CDK14: variants seen among roughly 807,000 people sequenced by gnomAD.
The protein encoded by CDK14 is cyclin-dependent kinase 14.
CDK14 carries 34 observed loss-of-function variants against 60.7 expected under a neutral mutation model. The observed-to-expected ratio is 0.56, with a 90% confidence interval of 0.43 to 0.75. CDK14 has a LOEUF of 0.75. CDK14 is among the 30% of genes least tolerant of loss of function. The probability of loss-of-function intolerance (pLI) is 0.00; values close to 1 mark genes in which losing one functional copy is unlikely to be tolerated. For missense variants in CDK14, 482 were observed against 564.1 expected, an observed-to-expected ratio of 0.85 and a Z score of 1.47; for synonymous variants, 197 against 203.7, an observed-to-expected ratio of 0.97 and a Z score of 0.28.
intron 10 of CDK14, among the ~76,000 whole-genome samples, chr7:91,036,941 A>G (rs1225942639): frequency 6.6e-6 from 1 of 152,192 alleles, no homozygotes; most frequent in African/African-American, 2.4e-5. Flanking sequence ...GCTCCCACCC[A>G]CACTGAAGGC....
In CDK14 at chr7:91,179,713, G is replaced by C. The variant is rs554448724; in HGVS notation, c.*29-27452G>C. On this transcript the variant is annotated intron_variant, in intron 14 of 14. Transcript: ENST00000380050. The stretch of plus-strand genomic sequence containing the variant: ...AGCTACTTGGGAGGCCAAGGCAGGA[G>C]AATGGCATGAACCCAGGAGGCAGAG... Among the ~76,000 whole-genome samples, 16 of 152,116 alleles carry C rather than the reference G, an allele frequency of 1.1e-4. No homozygotes were observed. The South Asian group carries it at 2.7e-3, about 26-fold the overall frequency.
At chr7:90,701,967 C>T (rs1413026302) in intron 2 of CDK14, among the ~76,000 whole-genome samples, 1 of 152,140 alleles carries the variant, frequency 6.6e-6, no homozygotes, top group Non-Finnish European at 1.5e-5. Context: ...AATGCTTTCT[C>T]TGCTTTGCTA....
intron 5 of CDK14, among the ~76,000 whole-genome samples, chr7:90,798,240 C>T (rs1450263633): frequency 6.7e-6 from 1 of 148,572 alleles, no homozygotes; most frequent in African/African-American, 2.5e-5. Flanking sequence ...AAATTAAACT[C>T]TGGGTCAGTT....
chr7:90,911,280 GA>G (rs1364873776), intron 7 of CDK14, among the ~76,000 whole-genome samples: 1 of 152,070 alleles, frequency 6.6e-6, no homozygotes, highest in Non-Finnish European at 1.5e-5. Context: ...TAAAATAATG[GA>G]ATGATGTAAT....
chr7:91,174,572 G>A (rs1186319889), intron 14 of CDK14, among the ~76,000 whole-genome samples: 1 of 145,732 alleles, frequency 6.9e-6, no homozygotes, highest in Non-Finnish European at 1.5e-5. Flanking sequence ...AAATTTAGAA[G>A]AATGTATAAC....
chr7:90,770,837 T>A (rs900928485), intron 4 of CDK14, among the ~76,000 whole-genome samples: 2 of 152,206 alleles, frequency 1.3e-5, no homozygotes, highest in Non-Finnish European at 2.9e-5. Flanking sequence ...CTTTTCTGAC[T>A]TCTGACAAGA....
intron 7 of CDK14, among the ~76,000 whole-genome samples, chr7:90,908,668 T>C (rs1395442987): frequency 6.6e-6 from 1 of 152,148 alleles, no homozygotes; most frequent in East Asian, 1.9e-4. Context: ...TAGTAGAGTA[T>C]ACACATATTG....
At chr7:91,114,521 A>T (rs369121437) in intron 13 of CDK14, among the ~76,000 whole-genome samples, 1 of 152,174 alleles carries the variant, frequency 6.6e-6, no homozygotes, top group East Asian at 1.9e-4. Flanking sequence ...TGGCTGCATT[A>T]ATCCCTTTAT....
chr7:90,860,436 A>T (rs1790968352), intron 5 of CDK14, among the ~76,000 whole-genome samples: 1 of 151,854 alleles, frequency 6.6e-6, no homozygotes, highest in African/African-American at 2.4e-5. Context: ...TTGTGGTATT[A>T]TTTATAAACA....
intron 5 of CDK14, among the ~76,000 whole-genome samples, chr7:90,829,022 A>G (rs1584020254): frequency 6.6e-6 from 1 of 152,158 alleles, no homozygotes; most frequent in South Asian, 2.1e-4. Context: ...GAAGCAAGGC[A>G]CATCTTACAT....
chr7:90,748,923 G>A (rs551983830), intron 4 of CDK14, among the ~76,000 whole-genome samples: 5 of 152,204 alleles, frequency 3.3e-5, no homozygotes, highest in South Asian at 4.1e-4. Context: ...AATTAAATAA[G>A]AAGATGTAGA....
chr7:90,753,110 G>T (rs1203716661), intron 4 of CDK14, among the ~76,000 whole-genome samples: 3 of 152,126 alleles, frequency 2.0e-5, no homozygotes, highest in Non-Finnish European at 4.4e-5. Flanking sequence ...GCAAAAAATT[G>T]AGGAAGATGG....
intron 3 of CDK14, among the ~76,000 whole-genome samples, chr7:90,734,777 G>A (rs1288327491): frequency 2.0e-5 from 3 of 152,112 alleles, no homozygotes; most frequent in Non-Finnish European, 4.4e-5. Flanking sequence ...GCTCAGAGGA[G>A]TTTGTTATTA....
At chr7:91,037,796 C>T (rs187546861) in intron 10 of CDK14, among the ~76,000 whole-genome samples, 5 of 152,356 alleles carry the variant, frequency 3.3e-5, no homozygotes, top group East Asian at 1.9e-4. Flanking sequence ...ACTGCCCAGA[C>T]GCTCTTCTCT....
At chr7:90,735,779 G>A (rs942376944) in intron 3 of CDK14, among the ~76,000 whole-genome samples, 1 of 152,216 alleles carries the variant, frequency 6.6e-6, no homozygotes, top group Non-Finnish European at 1.5e-5. Flanking sequence ...GGTGGGACCT[G>A]CCGAGCCAGA....
intron 2 of CDK14, among the ~76,000 whole-genome samples, chr7:90,685,648 A>ATTT (rs1801415559): frequency 9.8e-6 from 1 of 101,656 alleles, no homozygotes; most frequent in Non-Finnish European, 1.9e-5. Context: ...CCAGCCAATT[A>ATTT]ATTTTTTTTT....
Position 90,747,757 on chromosome 7 carries a change from T to C in CDK14, c.446T>C (p.Val149Ala). ...EKLGEGSYAT[V>A]YKGKSKVNGK... ...CTAGGGGAAGGATCTTATGCTACAG[T>C]ATACAAAGGGAAAAGCAAGTAAGTT... The change falls in exon 4 of 15, where the codon GTA (valine) becomes GCA (alanine). Residue 149 changes from valine (V) to alanine (A), a missense_variant. Transcript: ENST00000380050. 1.3e-6 allele frequency: 2 copies of C among 1,577,306 alleles called. No homozygotes were observed. The highest frequency in any genetic ancestry group is 1.7e-6 in the Non-Finnish European group (2 of 1,166,776).
At chr7:90,745,310 C>T (rs1386640790) in intron 3 of CDK14, among the ~76,000 whole-genome samples, 6 of 152,038 alleles carry the variant, frequency 3.9e-5, no homozygotes, top group African/African-American at 7.2e-5. Context: ...CTTGAGGGAC[C>T]GTCTTGAGTA....
intron 10 of CDK14, among the ~76,000 whole-genome samples, chr7:90,989,005 T>TGA (rs2115676666): frequency 6.7e-6 from 1 of 149,420 alleles, no homozygotes; most frequent in Admixed American, 6.6e-5. Context: ...TGTGTGAGTG[T>TGA]GTGTGTGTGT....
Sources: gnomAD v4.1 joint callset for allele counts (sites outside exome capture counted in the v4.1 genomes callset) on GRCh38, gnomAD v4.1.1 for gene constraint, MANE v1.5 for transcripts, NCBI Gene and HGNC (gene_info 2026-07-23, HGNC 2026-07-21) for gene names.